Variants in TUSC3 observed in about 807,000 individuals in gnomAD.
TUSC3 encodes tumor suppressor candidate 3.
A neutral mutation model predicts 44.8 loss-of-function variants in TUSC3; 45 were observed. That is an observed-to-expected ratio of 1.00 (90% CI 0.79 to 1.29). The LOEUF is 1.29. Ranked by LOEUF, TUSC3 falls within the 50% of genes most tolerant of loss-of-function variation. The probability of loss-of-function intolerance (pLI) is 0.00; values close to 1 mark genes in which losing one functional copy is unlikely to be tolerated. For missense variants in TUSC3, 519 were observed against 437.9 expected, an observed-to-expected ratio of 1.19 and a Z score of -1.65; for synonymous variants, 212 against 152.9, an observed-to-expected ratio of 1.39 and a Z score of -2.85.
intron 1 of TUSC3, among the ~76,000 whole-genome samples, chr8:15,443,988 A>C (rs374532689): frequency 2.3e-4 from 35 of 152,226 alleles, no homozygotes; most frequent in African/African-American, 7.7e-4. Flanking sequence ...TGTCCTTAAA[A>C]ACTCTGACCC....
At chr8:15,834,539 C>T in the TUSC3 span, among the ~76,000 whole-genome samples, 14 of 152,022 alleles carry the variant, frequency 9.2e-5, no homozygotes, top group Non-Finnish European at 2.1e-4. Flanking sequence ...CTATTTATTC[C>T]TTTTTAACAA....
chr8:15,584,562 G>A (rs554718779), intron 1 of TUSC3, among the ~76,000 whole-genome samples: 1 of 152,298 alleles, frequency 6.6e-6, no homozygotes, highest in East Asian at 1.9e-4. Context: ...CACTTTATGA[G>A]CTAATAAGAA....
intron 1 of TUSC3, among the ~76,000 whole-genome samples, chr8:15,468,254 C>A (rs1386445090): frequency 2.6e-5 from 4 of 152,178 alleles, no homozygotes; most frequent in Admixed American, 6.5e-5. Context: ...CCACAGACAG[C>A]TGCTTAATGT....
intron 7 of TUSC3, among the ~76,000 whole-genome samples, chr8:15,734,439 ACTATATGAAAAAATAAGAAACATT>A (rs1294344803): frequency 6.6e-6 from 1 of 152,164 alleles, no homozygotes; most frequent in Non-Finnish European, 1.5e-5. Context: ...TTGAGAGAAA[ACTATATGAAAAAATAAGAAACATT>A]ATATTTTAAT....
chr8:15,775,631 CACAT>C, the TUSC3 span, among the ~76,000 whole-genome samples: 4 of 53,624 alleles, frequency 7.5e-5, no homozygotes, highest in Non-Finnish European at 1.5e-4. Flanking sequence ...TATATACAGA[CACAT>C]ATATATATAT....
intron 9 of TUSC3, among the ~76,000 whole-genome samples, chr8:15,754,148 C>T (rs191473757): frequency 1.3e-5 from 2 of 152,104 alleles, no homozygotes; most frequent in South Asian, 2.1e-4. Context: ...GAATGAAATG[C>T]AGGAAAGAAT....
At chr8:15,481,657 TGTAC>T (rs1256987843) in intron 1 of TUSC3, among the ~76,000 whole-genome samples, 1 of 152,198 alleles carries the variant, frequency 6.6e-6, no homozygotes, top group East Asian at 1.9e-4. Context: ...TAAGTTACAA[TGTAC>T]TTTAGTCTGT....
At chr8:15,607,540 T>C (rs1804582421) in intron 1 of TUSC3, among the ~76,000 whole-genome samples, 1 of 152,200 alleles carries the variant, frequency 6.6e-6, no homozygotes, top group South Asian at 2.1e-4. Context: ...TAAAATTTAC[T>C]TCTCCTCTAA....
At chr8:15,655,797 A>T (rs562384735) in intron 3 of TUSC3, among the ~76,000 whole-genome samples, 1 of 152,324 alleles carries the variant, frequency 6.6e-6, no homozygotes, top group East Asian at 1.9e-4. Flanking sequence ...TATGCTAAAT[A>T]GTTCTTATTA....
At chr8:15,812,138 G>A in the TUSC3 span, among the ~76,000 whole-genome samples, 7 of 152,304 alleles carry the variant, frequency 4.6e-5, no homozygotes, top group East Asian at 1.4e-3. Context: ...TTGTCAGCAG[G>A]CATTAAAGTG....
the TUSC3 span, among the ~76,000 whole-genome samples, chr8:15,825,510 A>G: frequency 5.2e-3 from 789 of 152,210 alleles, 6 homozygotes; most frequent in African/African-American, 0.018. Flanking sequence ...CTCCCACAAC[A>G]TGAAGGAATT....
upstream of TUSC3, chr8:15,540,169 C>G: frequency 2.3e-6 from 1 of 429,646 alleles, no homozygotes; most frequent in Admixed American, 4.6e-5. Flanking sequence ...GAGCGCACGC[C>G]GCGCCCCCGA....
intron 1 of TUSC3, among the ~76,000 whole-genome samples, chr8:15,594,624 C>T (rs1329571158): frequency 6.6e-6 from 1 of 152,054 alleles, no homozygotes; most frequent in Admixed American, 6.6e-5. Context: ...TTATTCCCTA[C>T]TATTGCCAGA....
intron 6 of TUSC3, among the ~76,000 whole-genome samples, chr8:15,703,171 T>C (rs1207511622): frequency 2.0e-5 from 3 of 152,170 alleles, no homozygotes; most frequent in African/African-American, 7.2e-5. Flanking sequence ...CTTTCTAAAC[T>C]CTTTATGAAT....
chr8:15,460,064 T>G (rs767350087), intron 1 of TUSC3, among the ~76,000 whole-genome samples: 68 of 152,286 alleles, frequency 4.5e-4, no homozygotes, highest in Non-Finnish European at 9.6e-4. Context: ...TTAGTGGGAC[T>G]GCTGGATCAA....
At chr8:15,522,540 C>T (rs929185049) in intron 2 of TUSC3, among the ~76,000 whole-genome samples, 5 of 150,832 alleles carry the variant, frequency 3.3e-5, no homozygotes, top group African/African-American at 1.2e-4. Context: ...GCCTATTCAG[C>T]CTTTTTTTTT....
the TUSC3 span, among the ~76,000 whole-genome samples, chr8:15,811,744 G>C: frequency 1.3e-5 from 2 of 152,152 alleles, no homozygotes; most frequent in African/African-American, 4.8e-5. Context: ...AAATTTTAAA[G>C]CTTATAGTGC....
intron 1 of TUSC3, among the ~76,000 whole-genome samples, chr8:15,571,889 T>G (rs137870070): frequency 2.6e-5 from 4 of 152,294 alleles, no homozygotes; most frequent in African/African-American, 9.6e-5. Context: ...CAGTAGGTCT[T>G]AATACTGGGC....
rs188972537 is a variant in TUSC3 at position 15,697,090 on chromosome 8, A to G, written c.798+23254A>G. Among the ~76,000 whole-genome samples, 4 of 152,286 alleles carry G rather than the reference A, an allele frequency of 2.6e-5. No homozygotes were observed. In the East Asian group the frequency reaches 7.7e-4, roughly 29 times the overall value. On this transcript the variant is annotated intron_variant, in intron 6 of 10. Coordinates refer to ENST00000503731, the MANE Select transcript of TUSC3 (RefSeq NM_006765.4). ...TTAAAGGTGTTCATAGTAGCCTTGA[A>G]TGATCTTTTGTATTTCAGTGGTGTC...
Sources: gnomAD v4.1 joint callset for allele counts (sites outside exome capture counted in the v4.1 genomes callset) on GRCh38, gnomAD v4.1.1 for gene constraint, MANE v1.5 for transcripts, NCBI Gene and HGNC (gene_info 2026-07-23, HGNC 2026-07-21) for gene names.